SATL1: variants seen among roughly 807,000 people sequenced by gnomAD.
SATL1 encodes the protein spermidine/spermine N1-acetyl transferase like 1, also known as spermidine/spermine N(1)-acetyltransferase-like protein 1.
Under a neutral mutation model 51.8 loss-of-function variants are expected in SATL1, and 47 were observed. The ratio of observed to expected loss-of-function variants is 0.91; its 90% CI spans 0.72 to 1.16. SATL1 has a LOEUF of 1.16. SATL1 is among the 50% of genes most tolerant of loss of function. SATL1 has a pLI of 0.00. For synonymous variants in SATL1, 176 were observed against 182.4 expected (o/e 0.97, Z 0.28); for missense variants, 520 against 526.4 (o/e 0.99, Z 0.12).
intron 2 of SATL1, among the ~76,000 whole-genome samples, chrX:85,223,737 G>A (rs188134617): frequency 1.3e-4 from 15 of 111,569 alleles, no homozygotes; most frequent in Non-Finnish European, 2.1e-4. Context: ...AGCAGCAAGA[G>A]AGAAGCCTGG....
At position 85,108,609 on chromosome X, in the gene SATL1, G is replaced by T. The variant is rs1421047646; in HGVS notation, c.360C>A (p.Ser120Arg). 4 of 1,202,959 alleles carry T rather than the reference G, an allele frequency of 3.3e-6. No individual in the cohort carries two copies. The highest frequency in any genetic ancestry group is 3.6e-5 in the South Asian group (2 of 55,940). ...TGCCTATTTGCCTCATGCGTGATTG[G>T]CTGGGGCCTGATTGGCTTGGGCCTG... ...SQPGPSQSGP[S>R]QSRMRQIGTN... Residue 120 changes from serine to arginine, a missense_variant, in exon 3 of 8, where the codon AGC becomes AGA. Ser to Arg is a moderately radical substitution (Grantham distance 110). Transcript: ENST00000644105.
At chrX:85,159,644 T>A (rs752028878) in intron 2 of SATL1, among the ~76,000 whole-genome samples, 1 of 111,895 alleles carries the variant, frequency 8.9e-6, no homozygotes, top group East Asian at 2.8e-4. Context: ...ACCATGTTTT[T>A]TTTCAAAATA....
intron 2 of SATL1, among the ~76,000 whole-genome samples, chrX:85,186,486 A>G (rs188383290): frequency 3.6e-5 from 4 of 111,162 alleles, no homozygotes; most frequent in African/African-American, 1.3e-4. Context: ...GCACTTTGGC[A>G]CATGGTGGTA....
intron 2 of SATL1, chrX:85,153,713 C>T (rs1926521931): frequency 8.9e-6 from 1 of 111,843 alleles, no homozygotes; most frequent in East Asian, 2.8e-4. Flanking sequence ...CTATTTCTCT[C>T]TATGTAGATG....
intron 2 of SATL1, among the ~76,000 whole-genome samples, chrX:85,126,045 A>G (rs933975770): frequency 2.0e-4 from 22 of 110,752 alleles, no homozygotes; most frequent in African/African-American, 7.2e-4. Flanking sequence ...ACCCTAAATG[A>G]TCTTGAAGAT....
chrX:85,200,189 C>T (rs1927660790), intron 2 of SATL1, among the ~76,000 whole-genome samples: 1 of 111,517 alleles, frequency 9.0e-6, no homozygotes. Context: ...TATGTGTCCT[C>T]TCACTTGTTC....
intron 2 of SATL1, among the ~76,000 whole-genome samples, chrX:85,187,085 AT>A (rs1294912471): frequency 8.9e-6 from 1 of 111,839 alleles, no homozygotes; most frequent in African/African-American, 3.2e-5. Context: ...ATTCCTAAAT[AT>A]TTTTTGTAAC....
At chrX:85,100,097 T>A (rs1210444963) in intron 4 of SATL1, among the ~76,000 whole-genome samples, 2 of 111,845 alleles carry the variant, frequency 1.8e-5, no homozygotes, top group Non-Finnish European at 3.8e-5. Context: ...TCCCAGCTAC[T>A]CGGGAGGCAG....
At chrX:85,238,210 T>C (rs1165133041) in intron 1 of SATL1, among the ~76,000 whole-genome samples, 1 of 111,629 alleles carries the variant, frequency 9.0e-6, no homozygotes, top group African/African-American at 3.3e-5. Flanking sequence ...CACTGCTATA[T>C]ATATACCCCA....
intron 2 of SATL1, among the ~76,000 whole-genome samples, chrX:85,132,694 C>T (rs1490574750): frequency 8.9e-6 from 1 of 111,942 alleles, no homozygotes. Flanking sequence ...TGTTCTGTTG[C>T]TGGCATGGAG....
intron 2 of SATL1, among the ~76,000 whole-genome samples, chrX:85,160,908 C>A (rs898579398): frequency 9.0e-6 from 1 of 111,354 alleles, no homozygotes; most frequent in East Asian, 2.8e-4. Context: ...AGAAAAAAAT[C>A]TTAAAGGCAG....
At chrX:85,196,706 A>AT (rs892325853) in intron 2 of SATL1, among the ~76,000 whole-genome samples, 2 of 111,563 alleles carry the variant, frequency 1.8e-5, no homozygotes, top group African/African-American at 3.3e-5. Flanking sequence ...TTGTCAAGTG[A>AT]TTTTTTTACA....
chrX:85,148,840 G>C lies in SATL1; in HGVS notation c.-312-39560C>G, dbSNP rs1398743783. 6.3e-5 allele frequency among the ~76,000 whole-genome samples: 7 copies of C among 111,265 alleles called. No homozygotes were observed. In the Admixed American group the frequency reaches 6.7e-4, roughly 11 times the overall value. On this transcript the variant is annotated intron_variant, in intron 2 of 7. Transcript: ENST00000644105. Reference sequence around the variant, plus strand: ...GCACTAAACATGGAAAGGAACAACTGGTACCAGCCACTGCAAAATCATGCC... The same window carrying C: ...GCACTAAACATGGAAAGGAACAACTCGTACCAGCCACTGCAAAATCATGCC...
chrX:85,101,263 A>G (rs1602828503), intron 4 of SATL1, among the ~76,000 whole-genome samples: 2 of 112,355 alleles, frequency 1.8e-5, no homozygotes, highest in East Asian at 2.8e-4. Context: ...CAACCCATGG[A>G]ATGGGAGAAA....
At chrX:85,196,484 C>T (rs1927563882) in intron 2 of SATL1, among the ~76,000 whole-genome samples, 1 of 110,904 alleles carries the variant, frequency 9.0e-6, no homozygotes, top group Non-Finnish European at 1.9e-5. Flanking sequence ...TATGCAAATG[C>T]CAGAGTGCCA....
At chrX:85,166,603 C>T (rs1926840728) in intron 2 of SATL1, among the ~76,000 whole-genome samples, 1 of 110,961 alleles carries the variant, frequency 9.0e-6, no homozygotes, top group Non-Finnish European at 1.9e-5. Context: ...CAAGAAAGGC[C>T]ATAACTAAAA....
intron 2 of SATL1, among the ~76,000 whole-genome samples, chrX:85,200,099 A>T (rs1415196607): frequency 1.8e-5 from 2 of 111,369 alleles, no homozygotes; most frequent in African/African-American, 6.5e-5. Flanking sequence ...TACCTACAGA[A>T]ATTAAAAATT....
intron 1 of SATL1, among the ~76,000 whole-genome samples, chrX:85,225,268 A>G (rs1313563125): frequency 8.9e-6 from 1 of 112,232 alleles, no homozygotes; most frequent in African/African-American, 3.2e-5. Flanking sequence ...ACAACTACAG[A>G]TAAAACTAGG....
chrX:85,229,412 C>A (rs1056583722), intron 1 of SATL1, among the ~76,000 whole-genome samples: 14 of 111,483 alleles, frequency 1.3e-4, no homozygotes, highest in African/African-American at 4.6e-4. Flanking sequence ...GGCAAAAATT[C>A]TCAACAAAAT....
Sources: allele counts gnomAD v4.1 joint callset (sites outside exome capture counted in the v4.1 genomes callset), GRCh38; gene constraint gnomAD v4.1.1; transcripts MANE v1.5; gene names NCBI Gene and HGNC (gene_info 2026-07-23, HGNC 2026-07-21).